DPP8: variants seen among roughly 807,000 people sequenced by gnomAD.
The protein encoded by DPP8 is dipeptidyl peptidase 8.
DPP8 carries 31 observed loss-of-function variants against 107.5 expected under a neutral mutation model. The ratio of observed to expected loss-of-function variants is 0.29; its 90% confidence interval spans 0.22 to 0.39. DPP8 has a LOEUF of 0.39. Among genes scored for constraint, DPP8 ranks in the 10% least tolerant of loss-of-function variants. The pLI is 1.00. For missense variants in DPP8, 842 were observed against 1,076.1 expected (o/e 0.78, Z 3.04); for synonymous variants, 381 against 356.6 (o/e 1.07, Z -0.77).
At chr15:65,500,410 TTC>T (rs962865514) in intron 4 of DPP8, among the ~76,000 whole-genome samples, 194 bp downstream of exon 4, 5 of 151,542 alleles carry the variant, frequency 3.3e-5, no homozygotes, top group African/African-American at 4.9e-5. Flanking sequence ...AACAGTGAAA[TTC>T]TGTCTCAAAA....
intron 12 of DPP8, among the ~76,000 whole-genome samples, chr15:65,467,759 G>T (rs987659916): frequency 6.6e-6 from 1 of 152,070 alleles, no homozygotes; most frequent in African/African-American, 2.4e-5. Context: ...TTTCCCATCT[G>T]GTCAGAATGT....
intron 19 of DPP8, among the ~76,000 whole-genome samples, chr15:65,448,884 ATATATATATAT>A (rs1428166174): frequency 2.3e-5 from 1 of 43,520 alleles, no homozygotes; most frequent in Non-Finnish European, 4.0e-5. Context: ...ATATATATAT[ATATATATATAT>A]ATATATATAT....
chr15:65,507,285 T>C lies in DPP8; in HGVS notation c.330A>G (p.Ala110=). ...SEIPKTINRA[A]VLMLSWKPLL... Reference sequence around the variant, plus strand: ...GAGGCTTCCAAGAGAGCATTAAGACTGCTGCTCTATTGATAGTTTTGGGAA... The same window carrying C: ...GAGGCTTCCAAGAGAGCATTAAGACCGCTGCTCTATTGATAGTTTTGGGAA... Residue 110 remains alanine, a synonymous_variant, in exon 3 of 20, where the codon GCA becomes GCG. Transcript: ENST00000300141. The C allele has an allele frequency of 2.5e-6, 4 of 1,612,316 alleles. No homozygotes were observed. The highest frequency in any genetic ancestry group is 3.4e-6 in the Non-Finnish European group (4 of 1,179,014).
rs776232094 is a variant in DPP8 at position 65,446,889 on chromosome 15, T to C, written c.2644A>G (p.Ile882Val). ...LGSRIAALKV[I>V] The stretch of plus-strand genomic sequence containing the variant: ...GAGTTCTACACAGGTCAAAATTATA[T>C]CACTTTTAGAGCAGCAATACGTGAT... Residue 882 changes from isoleucine to valine, a missense_variant, in exon 20 of 20, where the codon ATA (isoleucine) becomes GTA (valine). Ile to Val is a conservative substitution (Grantham distance 29). This residue lies in a region of DPP8 where 179 missense variants were observed against 318.0 expected (regional missense o/e 0.56). Transcript: ENST00000300141. The C allele has an allele frequency of 6.2e-7, 1 of 1,610,456 alleles. No individual in the cohort carries two copies. Among genetic ancestry groups the C allele is most frequent in the African/African-American group, 1.3e-5 (1 of 74,764 alleles).
intron 4 of DPP8, among the ~76,000 whole-genome samples, chr15:65,499,105 G>GTGTGTTTGTGTGTGTGTGTATA (rs1555468189): frequency 0.014 from 1,990 of 138,822 alleles, 51 homozygotes; most frequent in African/African-American, 0.051. Flanking sequence ...GTGTGTGTGT[G>GTGTGTTTGTGTGTGTGTGTATA]TATATATAAA....
chr15:65,516,410 A>C (rs2071441194), intron 1 of DPP8: 2 of 152,090 alleles, frequency 1.3e-5, no homozygotes, highest in Admixed American at 6.5e-5. Context: ...AGAAGCATTA[A>C]ACTTGTTGAA....
chr15:65,482,589 T>C (rs970444671), intron 8 of DPP8, among the ~76,000 whole-genome samples: 11 of 152,168 alleles, frequency 7.2e-5, no homozygotes, highest in African/African-American at 2.7e-4. Context: ...TTGTGTAATA[T>C]ACTAAAGAAA....
rs1027091408 is a variant in DPP8 at position 65,443,507 on chromosome 15, T to G, written c.*3377A>C. ...AAAACAAGTAGTAAAAAAAAAAAAG[T>G]AAGCATCGGTATCAATATCGCATTC... On this transcript the variant is annotated 3_prime_UTR_variant, in exon 20 of 20. Coordinates refer to ENST00000300141, the MANE Select transcript of DPP8 (RefSeq NM_130434.5). 6.9e-6 allele frequency: 1 copy of G among 145,866 alleles called. No individual in the cohort carries two copies. The highest frequency in any genetic ancestry group is 2.6e-5 in the African/African-American group (1 of 38,724). The allele number at this position is 145,866 out of a possible 1,614,324, so 9.0% of individuals were successfully genotyped here.
intron 2 of DPP8, among the ~76,000 whole-genome samples, chr15:65,508,234 C>T (rs2070317521): frequency 7.0e-6 from 1 of 143,830 alleles, no homozygotes; most frequent in Non-Finnish European, 1.5e-5. Flanking sequence ...AGCAAGACTC[C>T]GTCTCAAAAA....
At chr15:65,499,857 C>T (rs748087587) in intron 4 of DPP8, among the ~76,000 whole-genome samples, 6 of 152,170 alleles carry the variant, frequency 3.9e-5, no homozygotes, top group Non-Finnish European at 5.9e-5. Flanking sequence ...TGAGCCACCA[C>T]GTCTGACCTA....
At chr15:65,455,655 T>C in intron 16 of DPP8, 1 of 1,180,308 alleles carries the variant, frequency 8.5e-7, no homozygotes, top group Non-Finnish European at 1.1e-6. Flanking sequence ...AAAACTTACA[T>C]GAGAATACAA....
At position 65,485,176 on chromosome 15, in the gene DPP8, T is replaced by C. The variant is rs375241885; in HGVS notation, c.956-16A>G. ...TTTGCTGTACCTTTAGAAAGAGACA[T>C]AAATGATAGTAATGTTTATCCAAAA... On this transcript the variant is annotated splice_polypyrimidine_tract_variant and intron_variant, in intron 7 of 19. Transcript: ENST00000300141. 6 of 1,552,080 alleles carry C rather than the reference T, an allele frequency of 3.9e-6. No homozygotes were observed. The highest frequency in any genetic ancestry group is 2.2e-5 in the East Asian group (1 of 44,540).
Position 65,478,917 on chromosome 15 carries a change from G to T in DPP8, c.1419C>A (p.Ser473Arg). The T allele has an allele frequency of 6.3e-7, 1 of 1,584,534 alleles. No individual in the cohort carries two copies. The highest frequency in any genetic ancestry group is 1.4e-5 in the African/African-American group (1 of 73,096). ...LYKITSILKESKYKRSSGGLP... is the reference protein window; with the variant it reads ...LYKITSILKERKYKRSSGGLP... ...GCCCACCACTGGATCGTTTATATTTGCTTTCCTTTAAAATAGATGTAATTT... is the reference window on the plus strand; with the variant it reads ...GCCCACCACTGGATCGTTTATATTTTCTTTCCTTTAAAATAGATGTAATTT... The change falls in exon 11 of 20, where the codon AGC (serine) becomes AGA (arginine). Residue 473 changes from serine (S) to arginine (R), a missense_variant. By Grantham distance (110) the Ser-to-Arg change is moderately radical. Transcript: ENST00000300141.
Position 65,490,249 on chromosome 15 carries a change from C to T in DPP8, c.766G>A (p.Val256Ile). 6.2e-7 allele frequency: 1 copy of T among 1,613,646 alleles called. No individual in the cohort carries two copies. The highest frequency in any genetic ancestry group is 8.5e-7 in the Non-Finnish European group (1 of 1,179,622). The change falls in exon 6 of 20, where the codon GTT becomes ATT. Residue 256 changes from valine to isoleucine, a missense_variant. Val to Ile is a conservative substitution (Grantham distance 29). Transcript: ENST00000300141. ...TATCTATCAAATTCTTCTTGGAGAA[C>T]AAAGGTAGCGACTCCAGCTGATCTG... is the stretch of plus-strand genomic sequence containing the variant. ...DARSAGVATF[V>I]LQEEFDRYSG...
rs572193325 is a variant in DPP8, at chr15:65,478,883, G to C, written c.1453C>G (p.Pro485Ala). 1 of 1,555,306 alleles carries C rather than the reference G, an allele frequency of 6.4e-7. No homozygotes were observed. The highest frequency in any genetic ancestry group is 8.6e-7 in the Non-Finnish European group (1 of 1,158,398). ...YKRSSGGLPA[P>A]SDFKCPIKEE... ...TAAAATAAAATGGATTTCTTACTTGGAGCAGGCAGCCCACCACTGGATCGT... is the reference window on the plus strand; with the variant it reads ...TAAAATAAAATGGATTTCTTACTTGCAGCAGGCAGCCCACCACTGGATCGT... The change falls in exon 11 of 20, where the codon CCA becomes GCA. Residue 485 changes from proline to alanine, a missense_variant. By Grantham distance (27) the Pro-to-Ala change is conservative. Around this residue, in one of 2 missense-constraint regions of DPP8, gnomAD observed 663 missense variants for 758.0 expected, o/e 0.87. Transcript: ENST00000300141.
At chr15:65,514,839 G>A (rs2071245972) in intron 1 of DPP8, among the ~76,000 whole-genome samples, 1 of 152,144 alleles carries the variant, frequency 6.6e-6, no homozygotes. Flanking sequence ...CTAACAGACT[G>A]AGGGACAAAT....
intron 19 of DPP8, 63 bp downstream of exon 19, chr15:65,450,936 G>T: frequency 3.8e-6 from 4 of 1,047,036 alleles, no homozygotes; most frequent in South Asian, 1.3e-5. Flanking sequence ...ACAGCTAATA[G>T]ATTTCAAAGT....
At chr15:65,452,890 T>C (rs2064095556) in intron 17 of DPP8, among the ~76,000 whole-genome samples, 1 of 152,096 alleles carries the variant, frequency 6.6e-6, no homozygotes, top group Non-Finnish European at 1.5e-5. Context: ...GAGAATCGCT[T>C]GAACCTGAGA....
At chr15:65,484,221 G>C (rs933762103) in intron 8 of DPP8, among the ~76,000 whole-genome samples, 1 of 151,746 alleles carries the variant, frequency 6.6e-6, no homozygotes, top group African/African-American at 2.4e-5. Context: ...AACTACTCGG[G>C]AGGCTGAGGC....
Sources: gnomAD v4.1 joint callset for allele counts (sites outside exome capture counted in the v4.1 genomes callset) on GRCh38, gnomAD v4.1.1 for gene constraint, gnomAD v4.1.1 regional missense constraint, MANE v1.5 for transcripts, NCBI Gene and HGNC (gene_info 2026-07-23, HGNC 2026-07-21) for gene names.